PTPRS: variants seen among roughly 807,000 people sequenced by gnomAD.
The protein encoded by PTPRS is receptor-type tyrosine-protein phosphatase S.
Under a neutral mutation model 215.3 loss-of-function variants are expected in PTPRS, and 63 were observed. That is an observed-to-expected ratio of 0.29 (90% CI 0.24 to 0.36). The LOEUF is 0.36. Among genes scored for constraint, PTPRS ranks in the 10% least tolerant of loss-of-function variants. The pLI is 1.00. For missense variants in PTPRS, 2,258 were observed against 2,825.8 expected, an observed-to-expected ratio of 0.80 and a Z score of 4.56; for synonymous variants, 1,404 against 1,191.4, an observed-to-expected ratio of 1.18 and a Z score of -3.68.
rs142992055 is a variant in PTPRS at position 5,215,126 on chromosome 19, C to T, written c.4318+163G>A. 7.8e-3 allele frequency among the ~76,000 whole-genome samples: 1,194 copies of T among 152,334 alleles called. 13 individuals carry two copies. The highest frequency in any genetic ancestry group is 0.025 in the African/African-American group (1,053 of 41,568). ...GATGAAGCCATGTTAGAGAGAGCAG[C>T]CATCAGTTAAATACATATCTAAAGA... On this transcript the variant is annotated intron_variant, in intron 28 of 37. Transcript: ENST00000262963.
chr19:5,332,846 G>A (rs554524054), intron 1 of PTPRS, among the ~76,000 whole-genome samples: 154 of 152,332 alleles, frequency 1.0e-3, no homozygotes, highest in African/African-American at 3.5e-3. Context: ...AACTCTGACC[G>A]CACATCTAAA....
At chr19:5,273,976 G>A (rs1269761860) in intron 3 of PTPRS, among the ~76,000 whole-genome samples, 1 of 152,214 alleles carries the variant, frequency 6.6e-6, no homozygotes, top group African/African-American at 2.4e-5. Flanking sequence ...CTGTGAAGAA[G>A]ACTCAGAGAG....
chr19:5,255,865 C>T (rs548412772), intron 9 of PTPRS, among the ~76,000 whole-genome samples: 5 of 152,320 alleles, frequency 3.3e-5, no homozygotes, highest in South Asian at 2.1e-4. Flanking sequence ...CCGGGCTGGG[C>T]GCGGCTGAGA....
At chr19:5,238,854 A>G in intron 13 of PTPRS, 65 bp downstream of exon 13, 3 of 1,488,316 alleles carry the variant, frequency 2.0e-6, no homozygotes, top group Non-Finnish European at 2.7e-6. Flanking sequence ...CCGTCTGCCG[A>G]GGGGCTGTCT....
At position 5,237,308 on chromosome 19, in the gene PTPRS, G is replaced by A. The variant is rs1173166484; in HGVS notation, c.1849+1611C>T. On this transcript the variant is annotated intron_variant, in intron 13 of 37. Coordinates refer to ENST00000262963, the MANE Select transcript of PTPRS (RefSeq NM_002850.4). The surrounding 1 kb of genome is among the most constrained non-coding windows in gnomAD (Gnocchi z 4.2). The stretch of plus-strand genomic sequence containing the variant: ...CCGCAGTCCCCGGGGGGATGGATAC[G>A]CCTGGCCCTGAGTCTTTGCTGTCGG... Among the ~76,000 whole-genome samples, 5 of 152,226 alleles carry A rather than the reference G, an allele frequency of 3.3e-5. No individual in the cohort carries two copies. Among genetic ancestry groups the A allele is most frequent in the African/African-American group, 9.6e-5 (4 of 41,456 alleles).
intron 9 of PTPRS, among the ~76,000 whole-genome samples, chr19:5,251,759 T>G (rs2045105584): frequency 6.6e-6 from 1 of 151,906 alleles, no homozygotes; most frequent in African/African-American, 2.4e-5. Context: ...TGGAGTCCCC[T>G]CTCCCCGATG....
At chr19:5,311,758 G>A (rs2049710223) in intron 1 of PTPRS, among the ~76,000 whole-genome samples, 1 of 152,036 alleles carries the variant, frequency 6.6e-6, no homozygotes, top group South Asian at 2.1e-4. Flanking sequence ...TGCATCCCTT[G>A]GGCCGGGTGC....
At chr19:5,258,242 AG>A (rs2045727070) in intron 7 of PTPRS, 115 bp from the exon 8 acceptor site, 11 of 856,764 alleles carry the variant, frequency 1.3e-5, no homozygotes, top group Admixed American at 8.9e-5. Context: ...TGGGCCAGAG[AG>A]GCAGATAAGA....
At position 5,223,102 on chromosome 19, in the gene PTPRS, T is replaced by G; in HGVS notation, c.2690A>C (p.Lys897Thr). Residue 897 changes from lysine to threonine, a missense_variant, in exon 18 of 38, where the codon AAG becomes ACG. Coordinates refer to ENST00000262963, the MANE Select transcript of PTPRS (RefSeq NM_002850.4). ...EDRYTASGVH[K>T]GATYVFRLAA... ...AAGCCGGAACACATACGTGGCCCCC[T>G]TGTGCACGCCTGATGCCGTGTAGCG... 1 of 1,565,810 alleles carries G rather than the reference T, an allele frequency of 6.4e-7. No homozygotes were observed.
At chr19:5,229,720 G>C (rs2042856334) in intron 14 of PTPRS, 36 bp from the exon 15 acceptor site, 1 of 1,210,346 alleles carries the variant, frequency 8.3e-7, no homozygotes, top group South Asian at 3.5e-5. Context: ...GGCGGGCGGA[G>C]CCGTTACCAG....
intron 13 of PTPRS, 26 bp downstream of exon 13, chr19:5,238,893 G>C (rs760163149): frequency 5.1e-6 from 8 of 1,564,404 alleles, no homozygotes; most frequent in South Asian, 2.3e-5. Context: ...CTCCCGCAGA[G>C]AAGGGCGGCC....
In PTPRS at chr19:5,339,728, G is replaced by A. The variant is rs2050624386; in HGVS notation, c.-95+936C>T. ...GCGCCCCCTTTAACCCAGTGCCGACGGCCCCGCCCCCGGTATGACGTCACC... is the reference window on the plus strand; with the variant it reads ...GCGCCCCCTTTAACCCAGTGCCGACAGCCCCGCCCCCGGTATGACGTCACC... On this transcript the variant is annotated intron_variant, in intron 1 of 37. Transcript: ENST00000262963. This position sits in a 1 kb window ranked among gnomAD's most constrained non-coding sequence, Gnocchi z 4.2. Among the ~76,000 whole-genome samples, 1 of 151,830 alleles carries A rather than the reference G, an allele frequency of 6.6e-6. No individual in the cohort carries two copies. Among genetic ancestry groups the A allele is most frequent in the Non-Finnish European group, 1.5e-5 (1 of 67,876 alleles).
intron 7 of PTPRS, 100 bp from the exon 8 acceptor site, chr19:5,258,227 C>A: frequency 9.9e-7 from 1 of 1,009,150 alleles, no homozygotes; most frequent in Non-Finnish European, 1.5e-6. Flanking sequence ...GTCTCCTGTG[C>A]TGGCTGGGCC....
intron 2 of PTPRS, among the ~76,000 whole-genome samples, chr19:5,277,064 T>G (rs1000502915): frequency 8.2e-4 from 124 of 150,954 alleles, no homozygotes; most frequent in Middle Eastern, 6.8e-3. Context: ...TGTGTTTTTT[T>G]TTTTTTTTTT....
chr19:5,219,896 C>G, intron 22 of PTPRS, 43 bp downstream of exon 22: 1 of 1,595,362 alleles, frequency 6.3e-7, no homozygotes, highest in Non-Finnish European at 8.6e-7. Context: ...CTGCCTCATT[C>G]AGAGGTGTGT....
chr19:5,229,271 CG>C (rs748323570), intron 16 of PTPRS, 44 bp downstream of exon 16: 3 of 1,365,564 alleles, frequency 2.2e-6, no homozygotes, highest in Non-Finnish European at 2.8e-6. Flanking sequence ...GCACGGCCCG[CG>C]GGAAGCGCAC....
chr19:5,307,132 C>CT (rs1471084948), intron 1 of PTPRS, among the ~76,000 whole-genome samples: 2 of 152,130 alleles, frequency 1.3e-5, no homozygotes, highest in Non-Finnish European at 2.9e-5. Context: ...TGGCAAAACT[C>CT]TGTCTCTACT....
rs889005796 is a variant in PTPRS at position 5,220,885 on chromosome 19, G to A, written c.3455+115C>T. ...TGACCCCATGAACTAGGGCTGATAG[G>A]GTCTGTGTTTCATAGGCAAGGAAAT... On this transcript the variant is annotated intron_variant, in intron 20 of 37. Transcript: ENST00000262963. 2.4e-6 allele frequency: 3 copies of A among 1,241,206 alleles called. No homozygotes were observed. The African/African-American group carries it at 4.5e-5, about 19-fold the overall frequency. The allele number at this position is 1,241,206 out of a possible 1,614,324, so 76.9% of individuals were successfully genotyped here.
intron 13 of PTPRS, among the ~76,000 whole-genome samples, chr19:5,232,450 A>G (rs976540238): frequency 2.0e-5 from 3 of 151,640 alleles, no homozygotes; most frequent in African/African-American, 7.3e-5. Context: ...TATTTACTCA[A>G]CACCTACTAT....
Sources: allele counts gnomAD v4.1 joint callset (sites outside exome capture counted in the v4.1 genomes callset), GRCh38; gene constraint gnomAD v4.1.1; non-coding constraint Gnocchi (gnomAD v3.1); transcripts MANE v1.5; gene names NCBI Gene and HGNC (gene_info 2026-07-23, HGNC 2026-07-21).